KIF15: variants seen among roughly 807,000 people sequenced by gnomAD.
KIF15 encodes the protein kinesin-like protein KIF15.
KIF15 carries 140 observed loss-of-function variants against 190.6 expected under a neutral mutation model. The observed-to-expected ratio is 0.73, with a 90% CI of 0.64 to 0.84. The LOEUF (loss-of-function observed/expected upper bound fraction) is 0.84, where lower values mean the gene tolerates loss of function less well. KIF15 is among the 40% of genes least tolerant of loss of function. KIF15 has a pLI of 0.00. For synonymous variants in KIF15, 528 were observed against 551.3 expected (o/e 0.96, Z 0.59); for missense variants, 1,372 against 1,584.4 (o/e 0.87, Z 2.28).
At chr3:44,786,333 T>C in intron 6 of KIF15, 62 bp from the exon 7 acceptor site, 1 of 1,369,554 alleles carries the variant, frequency 7.3e-7, no homozygotes, top group Non-Finnish European at 9.9e-7. Context: ...AAATTAATGC[T>C]CATGAAAACT....
intron 20 of KIF15, among the ~76,000 whole-genome samples, chr3:44,821,356 C>T (rs1017472945): frequency 1.3e-5 from 2 of 151,858 alleles, no homozygotes; most frequent in African/African-American, 4.8e-5. Flanking sequence ...TGACGCTCCT[C>T]ACTTCTCAGA....
chr3:44,853,743 G>C (rs376237262), downstream of KIF15, among the ~76,000 whole-genome samples: 3 of 152,076 alleles, frequency 2.0e-5, no homozygotes, highest in East Asian at 1.9e-4. Context: ...AGCCATCCTA[G>C]GTGTGTAGTT....
Position 44,784,832 on chromosome 3 carries a change from T to TC in KIF15, c.362-13_362-12insC. On this transcript the variant is annotated splice_polypyrimidine_tract_variant and intron_variant, in intron 5 of 34. Coordinates refer to ENST00000326047, the MANE Select transcript of KIF15 (RefSeq NM_020242.3). ...AGAATAAAAATCCAGTGTTTTTTTTTTCATTTTTTTAGGACCATCTGAATC... is the reference window on the plus strand; with the variant it reads ...AGAATAAAAATCCAGTGTTTTTTTTTCTCATTTTTTTAGGACCATCTGAATC... The TC allele has an allele frequency of 7.1e-7, 1 of 1,414,152 alleles. No individual in the cohort carries two copies. The highest frequency in any genetic ancestry group is 1.2e-5 in the South Asian group (1 of 80,238). 87.6% of individuals were successfully genotyped at this position (1,414,152 alleles called of 1,614,324 possible).
chr3:44,780,017 A>G (rs1706091801), intron 4 of KIF15, among the ~76,000 whole-genome samples: 1 of 151,786 alleles, frequency 6.6e-6, no homozygotes, highest in Non-Finnish European at 1.5e-5. Flanking sequence ...TTTTGCTGTG[A>G]ATCTAAGCTA....
At chr3:44,772,309 C>CT (rs1705677276) in intron 1 of KIF15, among the ~76,000 whole-genome samples, 1 of 152,194 alleles carries the variant, frequency 6.6e-6, no homozygotes, top group African/African-American at 2.4e-5. Flanking sequence ...CCATCCACCT[C>CT]TAATTCCTGG....
chr3:44,852,182 T>C, intron 33 of KIF15, 26 bp from the exon 34 acceptor site: 1 of 1,587,932 alleles, frequency 6.3e-7, no homozygotes, highest in South Asian at 1.1e-5. Flanking sequence ...TTCTCATTTT[T>C]CCCTCCTTGG....
intron 24 of KIF15, among the ~76,000 whole-genome samples, chr3:44,829,603 CAT>C (rs1491314095): frequency 1.1e-4 from 3 of 26,416 alleles, no homozygotes; most frequent in African/African-American, 1.8e-4. Flanking sequence ...ATTATATATG[CAT>C]ATATATTATA....
intron 6 of KIF15, among the ~76,000 whole-genome samples, chr3:44,861,457 G>C (rs1255973603): frequency 6.6e-6 from 1 of 152,202 alleles, no homozygotes; most frequent in African/African-American, 2.4e-5. Context: ...TCTGGGTCTG[G>C]AGGTCCCCAG....
chr3:44,804,985 GAAAAAA>G, intron 14 of KIF15, 36 bp from the exon 15 acceptor site: 1 of 1,352,224 alleles, frequency 7.4e-7, no homozygotes. Context: ...CCCTGTCTCA[GAAAAAA>G]AAAAAAAAAG....
chr3:44,787,468 C>G (rs1015152404), intron 7 of KIF15, among the ~76,000 whole-genome samples: 1 of 152,044 alleles, frequency 6.6e-6, no homozygotes, highest in Non-Finnish European at 1.5e-5. Context: ...ATAATTTATT[C>G]TTTTATCTTC....
intron 28 of KIF15, 28 bp downstream of exon 28, chr3:44,840,484 G>A (rs765642370): frequency 2.0e-6 from 3 of 1,469,520 alleles, no homozygotes; most frequent in Non-Finnish European, 1.9e-6. Context: ...ATTATTTCAG[G>A]AGGAAGAAAC....
At position 44,802,985 on chromosome 3, in the gene KIF15, G is replaced by C; in HGVS notation, c.1681G>C (p.Asp561His). 6.3e-7 allele frequency: 1 copy of C among 1,591,938 alleles called. No individual in the cohort carries two copies. Among genetic ancestry groups the C allele is most frequent in the East Asian group, 2.2e-5 (1 of 44,784 alleles). The stretch of plus-strand genomic sequence containing the variant: ...TGAAATAAGTGGCATGGAGAAAAGT[G>C]ACAAAAGTAAGAAATGATTGTTGTA... ...FSEISGMEKSDKNQQGFSPKA... is the reference protein window; with the variant it reads ...FSEISGMEKSHKNQQGFSPKA... Residue 561 changes from aspartate to histidine, a missense_variant, in exon 14 of 35, where the codon GAC becomes CAC. Asp to His is a moderately conservative substitution (Grantham distance 81). Transcript: ENST00000326047.
intron 20 of KIF15, 24 bp downstream of exon 20, chr3:44,815,100 C>T: frequency 6.5e-7 from 1 of 1,526,776 alleles, no homozygotes; most frequent in Non-Finnish European, 8.8e-7. Context: ...TTTATGGTTT[C>T]AAGTTGCCTG....
At position 44,843,243 on chromosome 3, in the gene KIF15, GA is replaced by G. The variant is rs767331732; in HGVS notation, c.3695+11del. On this transcript the variant is annotated intron_variant, in intron 30 of 34. Coordinates refer to ENST00000326047, the MANE Select transcript of KIF15 (RefSeq NM_020242.3). ...AGACAAAAGGAAAACAGGTGAGAAA[GA>G]ACCACGAGAACTCTATGGGCTAAAT... The G allele has an allele frequency of 6.4e-7, 1 of 1,556,480 alleles. No individual in the cohort carries two copies. The highest frequency in any genetic ancestry group is 8.9e-7 in the Non-Finnish European group (1 of 1,129,732).
intron 27 of KIF15, 134 bp downstream of exon 27, chr3:44,838,555 C>T (rs1256382781): frequency 9.8e-6 from 8 of 819,412 alleles, no homozygotes; most frequent in Non-Finnish European, 9.1e-6. Context: ...GCAGTCTGGC[C>T]AACATGGTGA....
chr3:44,827,910 C>CTG (rs1175790795), intron 23 of KIF15, among the ~76,000 whole-genome samples: 1 of 152,132 alleles, frequency 6.6e-6, no homozygotes, highest in African/African-American at 2.4e-5. Flanking sequence ...AACTCCTGAG[C>CTG]TCAAGTGATC....
At chr3:44,853,427 A>G (rs921752494), downstream of KIF15, among the ~76,000 whole-genome samples, 2 of 152,174 alleles carry the variant, frequency 1.3e-5, no homozygotes, top group African/African-American at 4.8e-5. Context: ...CATTTTATGG[A>G]TATGCTACAC....
Position 44,829,743 on chromosome 3 carries a change from G to GTATATATTATAGATGTA in KIF15, c.2944-203_2944-187dup, listed in dbSNP as rs1365955045. Among the ~76,000 whole-genome samples the GTATATATTATAGATGTA allele has an allele frequency of 4.4e-5, 6 of 135,176 alleles. No homozygotes were observed. The South Asian group carries it at 6.6e-4, about 15-fold the overall frequency. The allele number at this position is 135,176 out of a possible 152,430, so 88.7% of individuals were successfully genotyped here. A position where few individuals can be genotyped will look rare whatever the true frequency, so the allele number is the denominator to read the frequency against. On this transcript the variant is annotated intron_variant, in intron 24 of 34. Transcript: ENST00000326047. Reference sequence around the variant, plus strand: ...TATTATAGATGTATATATTATATATGTATATATTATAGATGTATATATATT... The same window carrying GTATATATTATAGATGTA: ...TATTATAGATGTATATATTATATATGTATATATTATAGATGTATATATATTATAGATGTATATATATT...
At position 44,852,848 on chromosome 3, in the gene KIF15, TA is replaced by T; in HGVS notation, c.*116del. 1 of 762,884 alleles carries T rather than the reference TA, an allele frequency of 1.3e-6. No homozygotes were observed. 47.3% of individuals were successfully genotyped at this position (762,884 alleles called of 1,614,324 possible). On this transcript the variant is annotated 3_prime_UTR_variant, in exon 35 of 35. Coordinates refer to ENST00000326047, the MANE Select transcript of KIF15 (RefSeq NM_020242.3). Reference sequence around the variant, plus strand: ...AGCTGAATTTATGGACCTTAATTATTAAATGTTTATAAGGTGGTGGTAACCA... The same window carrying T: ...AGCTGAATTTATGGACCTTAATTATTAATGTTTATAAGGTGGTGGTAACCA...
Sources: gnomAD v4.1 joint callset for allele counts (sites outside exome capture counted in the v4.1 genomes callset) on GRCh38, gnomAD v4.1.1 for gene constraint, MANE v1.5 for transcripts, NCBI Gene and HGNC (gene_info 2026-07-23, HGNC 2026-07-21) for gene names.